Variants in ASDURF observed in about 807,000 individuals in gnomAD.
The protein encoded by ASDURF is ASDURF protein.
In ASDURF, 3 loss-of-function variants were observed where a neutral mutation model predicts 3.3. The ratio of observed to expected loss-of-function variants is 0.92; its 90% confidence interval spans 0.42 to 2.37. ASDURF has a LOEUF of 2.37. ASDURF is among the 30% of genes most tolerant of loss of function. ASDURF has a pLI of 0.05. For synonymous variants in ASDURF, 11 were observed against 8.3 expected, an observed-to-expected ratio of 1.32 and a Z score of -0.55; for missense variants, 23 against 25.4, an observed-to-expected ratio of 0.90 and a Z score of 0.21.
At chr2:189,661,856 T>C (rs2032672801) in intron 1 of ASDURF, among the ~76,000 whole-genome samples, 1 of 152,244 alleles carries the variant, frequency 6.6e-6, no homozygotes, top group Non-Finnish European at 1.5e-5. Flanking sequence ...GGCGGAGTTT[T>C]GGTTGGGTGT....
Position 189,666,388 on chromosome 2 carries a change from G to A in ASDURF, c.*277G>A. Reference sequence around the variant, plus strand: ...AGAAATTTTTAGTGGAATAAAGGTTGAAGCTGAAGAGAATGACACTCAAAT... The same window carrying A: ...AGAAATTTTTAGTGGAATAAAGGTTAAAGCTGAAGAGAATGACACTCAAAT... On this transcript the variant is annotated 3_prime_UTR_variant, in exon 4 of 4. Coordinates refer to ENST00000607829, the MANE Select transcript of ASDURF (RefSeq NM_001353493.2). 2 of 1,613,996 alleles carry A rather than the reference G, an allele frequency of 1.2e-6. No individual in the cohort carries two copies. The highest frequency in any genetic ancestry group is 2.2e-5 in the South Asian group (2 of 91,048).
chr2:189,661,923 A>G (rs1303885090), intron 1 of ASDURF, among the ~76,000 whole-genome samples: 1 of 152,176 alleles, frequency 6.6e-6, no homozygotes, highest in Non-Finnish European at 1.5e-5. Context: ...AATCTGTTCC[A>G]TCAAAGATAT....
intron 1 of ASDURF, 125 bp from the exon 2 acceptor site, chr2:189,663,776 G>A (rs547525609): frequency 8.8e-6 from 3 of 340,020 alleles, no homozygotes; most frequent in African/African-American, 2.1e-5. Context: ...CAAACTGCCC[G>A]TTTGGAAAAC....
Position 189,663,800 on chromosome 2 carries a change from C to T in ASDURF, c.91-101C>T, listed in dbSNP as rs1048043859. The T allele has an allele frequency of 5.2e-5, 18 of 348,226 alleles. No individual in the cohort carries two copies. The Admixed American group carries it at 5.3e-4, about 10-fold the overall frequency. The allele number at this position is 348,226 out of a possible 1,614,324, so 21.6% of individuals were successfully genotyped here. ...CGTTTGGAAAACCAGTACATCATAG[C>T]CCCTTATCCCATCTCTAATTTTAAA... On this transcript the variant is annotated intron_variant, in intron 1 of 3. Coordinates refer to ENST00000607829, the MANE Select transcript of ASDURF (RefSeq NM_001353493.2).
chr2:189,665,642 A>ATGTG (rs2032784121), intron 3 of ASDURF, among the ~76,000 whole-genome samples, 191 bp downstream of exon 3: 2 of 131,862 alleles, frequency 1.5e-5, no homozygotes, highest in Admixed American at 7.8e-5. Context: ...ATATATATAT[A>ATGTG]TATATTATAA....
At position 189,666,352 on chromosome 2, in the gene ASDURF, C is replaced by A; in HGVS notation, c.*241C>A. ...GGAAGATGAAAGAGGCAATGTGTTT[C>A]TATGGAATGGAGAAATTTTTAGTGG... On this transcript the variant is annotated 3_prime_UTR_variant, in exon 4 of 4. Transcript: ENST00000607829. 1 of 1,613,752 alleles carries A rather than the reference C, an allele frequency of 6.2e-7. No individual in the cohort carries two copies. The highest frequency in any genetic ancestry group is 8.5e-7 in the Non-Finnish European group (1 of 1,179,812).
Position 189,663,953 on chromosome 2 carries a change from G to A in ASDURF, c.143G>A (p.Arg48Lys). 2.6e-6 allele frequency: 1 copy of A among 387,978 alleles called. No individual in the cohort carries two copies. The highest frequency in any genetic ancestry group is 4.6e-6 in the Non-Finnish European group (1 of 218,452). 24.0% of individuals were successfully genotyped at this position (387,978 alleles called of 1,614,324 possible). ...GAACTTTCTAACCTTAAGAAGAATA[G>A]GGTGAGTTATTATAGGAATTCTGAA... ...VDELSNLKKN[R>K]KVYRQQQNSN... is the part of the protein sequence containing the mutation. Residue 48 changes from arginine to lysine, a missense_variant and splice_region_variant, in exon 2 of 4, where the codon AGG becomes AAG. Transcript: ENST00000607829.
At chr2:189,665,987 AAAAGT>A in intron 3 of ASDURF, 49 bp from the exon 4 acceptor site, 1 of 899,842 alleles carries the variant, frequency 1.1e-6, no homozygotes, top group Non-Finnish European at 1.6e-6. Flanking sequence ...ATTGCTAGGT[AAAAGT>A]CCAAGAATTT....
intron 1 of ASDURF, among the ~76,000 whole-genome samples, chr2:189,662,872 C>T (rs918835900): frequency 6.7e-6 from 1 of 148,818 alleles, no homozygotes; most frequent in Non-Finnish European, 1.5e-5. Context: ...CGCCTGAGCC[C>T]GGGAAGATCA....
At chr2:189,662,841 C>T (rs1258984865) in intron 1 of ASDURF, among the ~76,000 whole-genome samples, 1 of 150,444 alleles carries the variant, frequency 6.6e-6, no homozygotes. Flanking sequence ...CCCAGCTACT[C>T]GGAGGCTAAG....
At chr2:189,661,661 C>G in intron 1 of ASDURF, 51 bp downstream of exon 1, 1 of 399,284 alleles carries the variant, frequency 2.5e-6, no homozygotes, top group Non-Finnish European at 4.4e-6. Flanking sequence ...CCGGGCGCCA[C>G]TGGACCCTGA....
At chr2:189,664,084 T>A (rs2032733379) in intron 2 of ASDURF, 130 bp downstream of exon 2, 4 of 328,756 alleles carry the variant, frequency 1.2e-5, no homozygotes, top group Admixed American at 5.0e-5. Flanking sequence ...CAGCATCTTT[T>A]AAAATTGCAA....
chr2:189,663,554 G>A (rs2032720707), intron 1 of ASDURF, among the ~76,000 whole-genome samples: 1 of 152,108 alleles, frequency 6.6e-6, no homozygotes, highest in South Asian at 2.1e-4. Flanking sequence ...CACCCGGCCT[G>A]GTGTATATCA....
intron 1 of ASDURF, among the ~76,000 whole-genome samples, chr2:189,663,697 T>G (rs1210834088): frequency 6.6e-6 from 1 of 152,240 alleles, no homozygotes; most frequent in Non-Finnish European, 1.5e-5. Flanking sequence ...TCACTGTTTT[T>G]TCTCCTCCAG....
rs1355803912 is a variant in ASDURF at position 189,666,212 on chromosome 2, T to C, written c.*101T>C. On this transcript the variant is annotated 3_prime_UTR_variant, in exon 4 of 4. Coordinates refer to ENST00000607829, the MANE Select transcript of ASDURF (RefSeq NM_001353493.2). Reference sequence around the variant, plus strand: ...TTAAAAGAGGACTTACTATATAATCTTAAACAGCGGGGACCCAATAGTAGT... The same window carrying C: ...TTAAAAGAGGACTTACTATATAATCCTAAACAGCGGGGACCCAATAGTAGT... 4 of 1,613,246 alleles carry C rather than the reference T, an allele frequency of 2.5e-6. No homozygotes were observed. The African/African-American group carries it at 4.0e-5, about 16-fold the overall frequency.
rs369176648 is a variant in ASDURF at position 189,666,237 on chromosome 2, T to C, written c.*126T>C. 2.1e-5 allele frequency: 34 copies of C among 1,614,036 alleles called. No individual in the cohort carries two copies. Among genetic ancestry groups the C allele is most frequent in the Admixed American group, 5.0e-5 (3 of 59,994 alleles). On this transcript the variant is annotated 3_prime_UTR_variant, in exon 4 of 4. Transcript: ENST00000607829. Reference sequence around the variant, plus strand: ...TTAAACAGCGGGGACCCAATAGTAGTAAACAATTGTTAAAGTCTGATGTTA... The same window carrying C: ...TTAAACAGCGGGGACCCAATAGTAGCAAACAATTGTTAAAGTCTGATGTTA...
intron 1 of ASDURF, among the ~76,000 whole-genome samples, chr2:189,661,898 A>G (rs2032673479): frequency 6.6e-6 from 1 of 152,134 alleles, no homozygotes; most frequent in Non-Finnish European, 1.5e-5. Context: ...ACTTTTGGAA[A>G]TACCGCCCAC....
At chr2:189,665,568 G>T in intron 3 of ASDURF, 117 bp downstream of exon 3, 1 of 246,878 alleles carries the variant, frequency 4.1e-6, no homozygotes, top group African/African-American at 2.7e-5. Context: ...TTAGGCTTCC[G>T]AAGATGAGTC....
At chr2:189,665,629 T>TGTATATATATATATATATATAC (rs2032781267) in intron 3 of ASDURF, among the ~76,000 whole-genome samples, 178 bp downstream of exon 3, 2 of 127,570 alleles carry the variant, frequency 1.6e-5, no homozygotes, top group African/African-American at 6.5e-5. Context: ...TATATATATA[T>TGTATATATATATATATATATAC]ATATATATAT....
Sources: allele counts gnomAD v4.1 joint callset (sites outside exome capture counted in the v4.1 genomes callset), GRCh38; gene constraint gnomAD v4.1.1; transcripts MANE v1.5; gene names NCBI Gene and HGNC (gene_info 2026-07-23, HGNC 2026-07-21).